SPEF2: variants seen among roughly 807,000 people sequenced by gnomAD.
SPEF2 encodes sperm flagellar and cilia associated 2, also known as sperm flagella and cilia-associated protein 2.
Under a neutral mutation model 224.6 loss-of-function variants are expected in SPEF2, and 187 were observed. The observed-to-expected ratio is 0.83, with a 90% CI of 0.74 to 0.94. The LOEUF (loss-of-function observed/expected upper bound fraction) is 0.94, where lower values mean the gene tolerates loss of function less well. SPEF2 is among the 40% of genes least tolerant of loss of function. The pLI is 0.00. For synonymous variants in SPEF2, 715 were observed against 707.3 expected, an observed-to-expected ratio of 1.01 and a Z score of -0.17; for missense variants, 2,170 against 2,135.6, an observed-to-expected ratio of 1.02 and a Z score of -0.32.
At chr5:35,694,034 T>C (rs1051522170) in intron 12 of SPEF2, among the ~76,000 whole-genome samples, 7 of 152,208 alleles carry the variant, frequency 4.6e-5, no homozygotes, top group Admixed American at 3.3e-4. Flanking sequence ...TACATAGTAA[T>C]TGAAGACCAT....
chr5:35,739,484 G>A (rs1225545502), intron 21 of SPEF2, among the ~76,000 whole-genome samples: 1 of 152,200 alleles, frequency 6.6e-6, no homozygotes, highest in Non-Finnish European at 1.5e-5. Context: ...CCAGGTTCAA[G>A]CAATTCTCCT....
intron 23 of SPEF2, among the ~76,000 whole-genome samples, chr5:35,743,990 T>A (rs1748076161): frequency 6.6e-6 from 1 of 152,226 alleles, no homozygotes; most frequent in African/African-American, 2.4e-5. Context: ...TGTGCCCAAG[T>A]TGCCCTGTTC....
intron 18 of SPEF2, among the ~76,000 whole-genome samples, chr5:35,708,482 A>T (rs1045368166): frequency 2.5e-5 from 3 of 117,878 alleles, no homozygotes; most frequent in African/African-American, 1.0e-4. Context: ...AACCCCTTAT[A>T]CCTGCTCCGT....
intron 20 of SPEF2, among the ~76,000 whole-genome samples, chr5:35,720,088 C>G (rs1743341531): frequency 1.3e-5 from 2 of 152,208 alleles, no homozygotes; most frequent in African/African-American, 4.8e-5. Context: ...CAATTGTGTC[C>G]TGTTGCAAAA....
intron 24 of SPEF2, among the ~76,000 whole-genome samples, chr5:35,755,951 T>C (rs534910146): frequency 6.6e-6 from 1 of 152,140 alleles, no homozygotes; most frequent in Non-Finnish European, 1.5e-5. Context: ...ATGAGGAAAT[T>C]GAGACAAACA....
intron 2 of SPEF2, among the ~76,000 whole-genome samples, chr5:35,632,680 A>G (rs1745301488): frequency 6.6e-6 from 1 of 152,066 alleles, no homozygotes; most frequent in African/African-American, 2.4e-5. Context: ...TTTCTTTTTT[A>G]ACATTTGCAT....
chr5:35,801,115 G>A (rs1400089624), intron 34 of SPEF2, among the ~76,000 whole-genome samples: 2 of 152,318 alleles, frequency 1.3e-5, no homozygotes, highest in African/African-American at 2.4e-5. Context: ...AAACCAGTGT[G>A]CTGTAAAAAG....
intron 10 of SPEF2, among the ~76,000 whole-genome samples, chr5:35,685,957 C>T (rs1204949685): frequency 3.3e-5 from 5 of 151,858 alleles, no homozygotes; most frequent in African/African-American, 1.2e-4. Context: ...ATAATGTACC[C>T]TGTCTTTTGT....
At chr5:35,669,498 G>A (rs1013131500) in intron 9 of SPEF2, among the ~76,000 whole-genome samples, 9 of 151,962 alleles carry the variant, frequency 5.9e-5, no homozygotes, top group Admixed American at 2.0e-4. Context: ...ATTTATGTAC[G>A]CAATTATTTT....
chr5:35,676,046 A>G (rs1174385686), intron 10 of SPEF2: 1 of 456,022 alleles, frequency 2.2e-6, no homozygotes, highest in Non-Finnish European at 4.4e-6. Flanking sequence ...TATCAAGTTC[A>G]AGACGTTAGA....
chr5:35,618,246 C>T (rs569673810), intron 1 of SPEF2, among the ~76,000 whole-genome samples, 191 bp downstream of exon 1: 1 of 152,264 alleles, frequency 6.6e-6, no homozygotes, highest in East Asian at 1.9e-4. Flanking sequence ...CGCCACCTCC[C>T]TACAGCTCAC....
Position 35,659,327 on chromosome 5 carries a change from C to T in SPEF2, c.1167+120C>T. On this transcript the variant is annotated intron_variant, in intron 8 of 36. Transcript: ENST00000356031. ...CTAATAAGATTTTCTTTTGTATGAT[C>T]AACCTGTTATCTGCCCATTTTTATT... 3 of 979,370 alleles carry T rather than the reference C, an allele frequency of 3.1e-6. No homozygotes were observed. The South Asian group carries it at 5.3e-5, about 17-fold the overall frequency. The allele number at this position is 979,370 out of a possible 1,614,324, so 60.7% of individuals were successfully genotyped here.
intron 20 of SPEF2, among the ~76,000 whole-genome samples, chr5:35,723,308 G>C (rs1744099790): frequency 6.6e-6 from 1 of 152,158 alleles, no homozygotes; most frequent in Admixed American, 6.6e-5. Context: ...GTATGGTTTT[G>C]GGACCAGCAG....
In SPEF2 at chr5:35,686,651, C is replaced by T. The variant is rs186308142; in HGVS notation, c.1525-4386C>T. 2.0e-4 allele frequency among the ~76,000 whole-genome samples: 31 copies of T among 152,130 alleles called. No individual in the cohort carries two copies. The East Asian group carries it at 6.0e-3, about 29-fold the overall frequency. ...ATAGTGGTGAATGAGAAGTATGACT[C>T]AATCTTTTGGTTTTAGGCAAAATAT... On this transcript the variant is annotated intron_variant, in intron 10 of 36. Coordinates refer to ENST00000356031, the MANE Select transcript of SPEF2 (RefSeq NM_024867.4).
chr5:35,648,557 C>A (rs1747737382), intron 5 of SPEF2, among the ~76,000 whole-genome samples: 1 of 151,932 alleles, frequency 6.6e-6, no homozygotes, highest in Non-Finnish European at 1.5e-5. Context: ...AACTCCTGGG[C>A]TCAAGCAAAC....
intron 6 of SPEF2, among the ~76,000 whole-genome samples, chr5:35,650,929 G>C (rs73747500): frequency 6.6e-6 from 1 of 152,140 alleles, no homozygotes; most frequent in Non-Finnish European, 1.5e-5. Context: ...AGTGTATGCT[G>C]TAGCTCCAGG....
rs193046464 is a variant in SPEF2, at chr5:35,810,450, C to A, written c.5379+3197C>A. 8.7e-3 allele frequency among the ~76,000 whole-genome samples: 1,330 copies of A among 152,162 alleles called. 11 individuals are homozygous for A. The highest frequency in any genetic ancestry group is 0.01 in the Non-Finnish European group (683 of 67,986). On this transcript the variant is annotated intron_variant, in intron 36 of 36. Coordinates refer to ENST00000356031, the MANE Select transcript of SPEF2 (RefSeq NM_024867.4). ...CTGGTCTCGAACTCCTGACCTCAGG[C>A]GATCCACCCGCCTCAGCCTCCCAAA...
intron 36 of SPEF2, among the ~76,000 whole-genome samples, chr5:35,811,801 G>T (rs866054912): frequency 5.5e-5 from 7 of 127,022 alleles, no homozygotes; most frequent in African/African-American, 2.0e-4. Context: ...ACAGAGTCTC[G>T]CTCTGTTGCT....
chr5:35,676,476 C>T lies in SPEF2; in HGVS notation c.1524+6249C>T, dbSNP rs551873055. Among the ~76,000 whole-genome samples, 3 of 152,264 alleles carry T rather than the reference C, an allele frequency of 2.0e-5. No individual in the cohort carries two copies. The South Asian group carries it at 6.2e-4, about 32-fold the overall frequency. On this transcript the variant is annotated intron_variant, in intron 10 of 36. Coordinates refer to ENST00000356031, the MANE Select transcript of SPEF2 (RefSeq NM_024867.4). The stretch of plus-strand genomic sequence containing the variant: ...GTTTGCGGGGGCTCACACCTGTAAT[C>T]CCAGCACTTTGGGAGGCCAAGGCAG...
Sources: gnomAD v4.1 joint callset for allele counts (sites outside exome capture counted in the v4.1 genomes callset) on GRCh38, gnomAD v4.1.1 for gene constraint, MANE v1.5 for transcripts, NCBI Gene and HGNC (gene_info 2026-07-23, HGNC 2026-07-21) for gene names.